The following MGAT4C variants were observed in gnomAD, a reference collection of about 807,000 sequenced individuals.
The protein encoded by MGAT4C is alpha-1,3-mannosyl-glycoprotein 4-beta-N-acetylglucosaminyltransferase C.
MGAT4C carries 19 observed loss-of-function variants against 40.1 expected under a neutral mutation model. The ratio of observed to expected loss-of-function variants is 0.47; its 90% CI spans 0.33 to 0.70. The LOEUF (loss-of-function observed/expected upper bound fraction) is 0.70, where lower values mean the gene tolerates loss of function less well. Ranked by LOEUF, MGAT4C falls within the 30% of genes least tolerant of loss-of-function variation. MGAT4C has a pLI of 0.02. For missense variants in MGAT4C, 491 were observed against 563.2 expected, an observed-to-expected ratio of 0.87 and a Z score of 1.30; for synonymous variants, 181 against 187.1, an observed-to-expected ratio of 0.97 and a Z score of 0.27.
chr12:86,446,501 G>GA (rs905442453), intron 2 of MGAT4C, among the ~76,000 whole-genome samples: 1 of 149,418 alleles, frequency 6.7e-6, no homozygotes, highest in Non-Finnish European at 1.5e-5. Context: ...ATGTCTTAAA[G>GA]AAAAAAAAGG....
intron 2 of MGAT4C, among the ~76,000 whole-genome samples, chr12:86,694,388 C>T (rs1004027476): frequency 6.6e-6 from 1 of 152,010 alleles, no homozygotes; most frequent in African/African-American, 2.4e-5. Flanking sequence ...TTTAATTTTA[C>T]AATAATTTTG....
At chr12:86,102,881 AT>A (rs201921143) in intron 1 of MGAT4C, among the ~76,000 whole-genome samples, 1 of 151,710 alleles carries the variant, frequency 6.6e-6, no homozygotes, top group Non-Finnish European at 1.5e-5. Flanking sequence ...AATAATTCTT[AT>A]TTTTTTTGCA....
intron 3 of MGAT4C, among the ~76,000 whole-genome samples, chr12:86,419,375 T>TATACATACATATATATGTACATATATCC (rs1280068721): frequency 4.4e-4 from 67 of 151,700 alleles, no homozygotes; most frequent in South Asian, 1.0e-3. Context: ...CTCTTTGAGA[T>TATACATACATATATATGTACATATATCC]ATACATACAT....
intron 2 of MGAT4C, among the ~76,000 whole-genome samples, chr12:86,609,851 G>A (rs1222938447): frequency 1.3e-5 from 2 of 150,920 alleles, no homozygotes; most frequent in African/African-American, 2.4e-5. Flanking sequence ...CATTTAAAGA[G>A]GGATGTAGAA....
At chr12:86,170,826 G>A (rs535915967) in intron 1 of MGAT4C, among the ~76,000 whole-genome samples, 35 of 151,936 alleles carry the variant, frequency 2.3e-4, no homozygotes, top group Non-Finnish European at 4.4e-4. Flanking sequence ...GTTAGTGTGC[G>A]CCTGGAGTCC....
At chr12:86,501,336 T>C (rs1292291757) in intron 2 of MGAT4C, among the ~76,000 whole-genome samples, 1 of 152,048 alleles carries the variant, frequency 6.6e-6, no homozygotes, top group Non-Finnish European at 1.5e-5. Flanking sequence ...TTGTTATTTA[T>C]TTTATTTTAT....
intron 2 of MGAT4C, among the ~76,000 whole-genome samples, chr12:86,485,550 A>G (rs371085556): frequency 6.6e-6 from 1 of 152,224 alleles, no homozygotes; most frequent in African/African-American, 2.4e-5. Flanking sequence ...AAGAAATTTA[A>G]TGAACAAAAT....
intron 1 of MGAT4C, among the ~76,000 whole-genome samples, chr12:86,248,194 T>TCTTCCTTCCTTCCTTCCTTCCTTC (rs71076174): frequency 4.3e-5 from 6 of 140,318 alleles, no homozygotes; most frequent in Admixed American, 7.3e-5. Flanking sequence ...ACCTAGTTTC[T>TCTTCCTTCCTTCCTTCCTTCCTTC]CTTCCTTCCT....
At chr12:86,067,325 T>C (rs1425615019) in intron 1 of MGAT4C, among the ~76,000 whole-genome samples, 1 of 152,202 alleles carries the variant, frequency 6.6e-6, no homozygotes, top group Non-Finnish European at 1.5e-5. Flanking sequence ...CTATCAGTGA[T>C]AGACTGGATA....
intron 1 of MGAT4C, among the ~76,000 whole-genome samples, chr12:86,173,248 A>C (rs982050863): frequency 7.2e-5 from 11 of 152,136 alleles, no homozygotes; most frequent in African/African-American, 2.7e-4. Flanking sequence ...ACTCTGTATC[A>C]GCAATTTTCA....
Position 86,650,350 on chromosome 12 carries a change from C to T in MGAT4C, c.-229+76859G>A, listed in dbSNP as rs554892744. ...CATCAGTAGAATATTATGCTAGAAA[C>T]TCTGTTATGGGCTCAAAGAGGAACC... On this transcript the variant is annotated intron_variant, in intron 2 of 7. Transcript: ENST00000548651. Among the ~76,000 whole-genome samples, 7 of 151,980 alleles carry T rather than the reference C, an allele frequency of 4.6e-5. No individual in the cohort carries two copies. In the South Asian group the frequency reaches 1.4e-3, roughly 31 times the overall value.
chr12:86,547,669 T>A (rs1959203637), intron 2 of MGAT4C, among the ~76,000 whole-genome samples: 1 of 152,060 alleles, frequency 6.6e-6, no homozygotes, highest in African/African-American at 2.4e-5. Context: ...AAAACTAATT[T>A]AGAGTAGAGT....
At chr12:86,471,805 CAA>C (rs1052708792) in intron 2 of MGAT4C, among the ~76,000 whole-genome samples, 1 of 151,836 alleles carries the variant, frequency 6.6e-6, no homozygotes, top group African/African-American at 2.4e-5. Context: ...TACTATCATT[CAA>C]AGTATTATAT....
intron 2 of MGAT4C, among the ~76,000 whole-genome samples, chr12:86,611,459 T>TAGAC (rs1350435911): frequency 1.4e-5 from 2 of 142,856 alleles, no homozygotes; most frequent in Non-Finnish European, 3.1e-5. Context: ...AGATAGATGA[T>TAGAC]AGATAGATAG....
At chr12:86,031,468 A>G (rs899062647) in intron 2 of MGAT4C, among the ~76,000 whole-genome samples, 1 of 151,902 alleles carries the variant, frequency 6.6e-6, no homozygotes, top group Non-Finnish European at 1.5e-5. Context: ...TTACATAAAT[A>G]TTTAAAGAGT....
chr12:86,670,811 C>T (rs2406250), intron 2 of MGAT4C, among the ~76,000 whole-genome samples: 117,644 of 152,078 alleles, frequency 0.77, 46,988 homozygotes, highest in Middle Eastern at 0.88. Context: ...ACCCTTTTCC[C>T]ATTTTTCCAG....
chr12:86,634,070 T>C (rs1963142783), intron 2 of MGAT4C, among the ~76,000 whole-genome samples: 1 of 152,070 alleles, frequency 6.6e-6, no homozygotes. Context: ...ACTGAAGATA[T>C]GAGGATATAA....
At chr12:86,202,810 T>C (rs1456258701) in intron 1 of MGAT4C, among the ~76,000 whole-genome samples, 1 of 152,190 alleles carries the variant, frequency 6.6e-6, no homozygotes, top group African/African-American at 2.4e-5. Flanking sequence ...TTTATTGTAC[T>C]TTTCTAGTAT....
intron 2 of MGAT4C, among the ~76,000 whole-genome samples, chr12:86,515,774 T>C (rs1958674600): frequency 6.7e-6 from 1 of 149,884 alleles, no homozygotes; most frequent in South Asian, 2.1e-4. Context: ...AGTCTCGCTC[T>C]GTCTGTCGCC....
Sources: gnomAD v4.1 joint callset for allele counts (sites outside exome capture counted in the v4.1 genomes callset) on GRCh38, gnomAD v4.1.1 for gene constraint, MANE v1.5 for transcripts, NCBI Gene and HGNC (gene_info 2026-07-23, HGNC 2026-07-21) for gene names.